POU2F1: variants seen among roughly 807,000 people sequenced by gnomAD.
POU2F1 encodes POU class 2 homeobox 1.
A neutral mutation model predicts 84.9 loss-of-function variants in POU2F1; 16 were observed. The ratio of observed to expected loss-of-function variants is 0.19; its 90% confidence interval spans 0.13 to 0.29. The LOEUF (loss-of-function observed/expected upper bound fraction) is 0.29, where lower values mean the gene tolerates loss of function less well. Among genes scored for constraint, POU2F1 ranks in the 10% least tolerant of loss-of-function variants. The pLI is 1.00. For synonymous variants in POU2F1, 368 were observed against 368.3 expected (o/e 1.00, Z 0.01); for missense variants, 738 against 942.6 (o/e 0.78, Z 2.84).
At chr1:167,410,373 G>C (rs941852445) in intron 13 of POU2F1, among the ~76,000 whole-genome samples, 8 of 152,144 alleles carry the variant, frequency 5.3e-5, no homozygotes, top group African/African-American at 1.9e-4. Context: ...TTCAATTCTA[G>C]ATGTTCTTAG....
intron 1 of POU2F1, among the ~76,000 whole-genome samples, chr1:167,233,014 C>T (rs1227576580): frequency 6.6e-6 from 1 of 152,072 alleles, no homozygotes; most frequent in Admixed American, 6.6e-5. Flanking sequence ...TTGACTCACC[C>T]AAAGCAACTT....
At position 167,374,217 on chromosome 1, in the gene POU2F1, C is replaced by T. The variant is rs200977109; in HGVS notation, c.512C>T (p.Ala171Val). The change falls in exon 6 of 16, where the codon GCT becomes GTT. Residue 171 changes from alanine to valine, a missense_variant. Ala to Val is a moderately conservative substitution (Grantham distance 64). This residue lies in a region of POU2F1 where 163 missense variants were observed against 214.4 expected (regional missense o/e 0.76). Transcript: ENST00000367866. ...QQHSASQQHS[A>V]AGATISASAA... ...CACTCCGCCAGCCAGCAGCACAGTG[C>T]TGCTGGAGCCACCATCTCCGCCTCT... The T allele has an allele frequency of 1.3e-4, 205 of 1,613,862 alleles. No individual in the cohort carries two copies. Among genetic ancestry groups the T allele is most frequent in the Non-Finnish European group, 4.2e-6 (5 of 1,179,990 alleles).
intron 1 of POU2F1, among the ~76,000 whole-genome samples, chr1:167,256,691 G>A (rs1034910833): frequency 1.3e-5 from 2 of 152,128 alleles, no homozygotes; most frequent in Admixed American, 1.3e-4. Flanking sequence ...ATAGTCTTTG[G>A]ATGTGTTGCC....
intron 2 of POU2F1, among the ~76,000 whole-genome samples, chr1:167,360,843 A>G (rs888484004): frequency 6.6e-6 from 1 of 152,034 alleles, no homozygotes; most frequent in Non-Finnish European, 1.5e-5. Flanking sequence ...ATTATTTTCT[A>G]TTTGTTTGTG....
chr1:167,330,038 A>G (rs1023674023), intron 1 of POU2F1, among the ~76,000 whole-genome samples: 7 of 152,202 alleles, frequency 4.6e-5, no homozygotes, highest in African/African-American at 1.7e-4. Context: ...GAAGATTTCA[A>G]ATAAATCAAG....
At chr1:167,348,415 C>T (rs1209998967) in intron 2 of POU2F1, among the ~76,000 whole-genome samples, 1 of 152,150 alleles carries the variant, frequency 6.6e-6, no homozygotes, top group African/African-American at 2.4e-5. Flanking sequence ...TACCGCCAAA[C>T]TTTTTTCCAT....
intron 1 of POU2F1, among the ~76,000 whole-genome samples, chr1:167,260,833 G>T (rs1651508302): frequency 6.6e-6 from 1 of 152,048 alleles, no homozygotes; most frequent in South Asian, 2.1e-4. Flanking sequence ...CAGTTTTTGG[G>T]TTGCTCACTA....
At position 167,406,944 on chromosome 1, in the gene POU2F1, G is replaced by A. The variant is rs922198023; in HGVS notation, c.1556-5015G>A. 4.0e-5 allele frequency among the ~76,000 whole-genome samples: 6 copies of A among 151,880 alleles called. No homozygotes were observed. In the South Asian group the frequency reaches 1.2e-3, roughly 31 times the overall value. ...TAAGATGACAGTTTTTCTCCAGCTTGAGATATATGTGCATCTCTCTTTCTC... is the reference window on the plus strand; with the variant it reads ...TAAGATGACAGTTTTTCTCCAGCTTAAGATATATGTGCATCTCTCTTTCTC... On this transcript the variant is annotated intron_variant, in intron 13 of 15. Coordinates refer to ENST00000367866, the MANE Select transcript of POU2F1 (RefSeq NM_002697.4).
chr1:167,296,826 T>C (rs1239398506), intron 1 of POU2F1, among the ~76,000 whole-genome samples: 7 of 152,204 alleles, frequency 4.6e-5, no homozygotes, highest in Admixed American at 4.6e-4. Flanking sequence ...TGCAAAGCAC[T>C]GTAGTGTGAA....
intron 1 of POU2F1, among the ~76,000 whole-genome samples, chr1:167,299,420 T>C (rs1557877293): frequency 6.6e-6 from 1 of 152,180 alleles, no homozygotes; most frequent in Admixed American, 6.5e-5. Flanking sequence ...AAAATTATTC[T>C]TCTAAAAGGA....
rs1657905589 is a variant in POU2F1, at chr1:167,342,201, T to A, written c.127+9666T>A. Among the ~76,000 whole-genome samples the A allele has an allele frequency of 2.6e-5, 4 of 152,188 alleles. No homozygotes were observed. In the South Asian group the frequency reaches 8.3e-4, roughly 32 times the overall value. ...TGGGGCCTTTGCTGGGGAACCACCC[T>A]CTTCTACCCAGTATTTCCCTGTCTC... On this transcript the variant is annotated intron_variant, in intron 2 of 15. Coordinates refer to ENST00000367866, the MANE Select transcript of POU2F1 (RefSeq NM_002697.4).
At chr1:167,252,935 C>T (rs190127111) in intron 1 of POU2F1, among the ~76,000 whole-genome samples, 96 of 152,248 alleles carry the variant, frequency 6.3e-4, no homozygotes, top group Non-Finnish European at 1.0e-3. Flanking sequence ...CGCCATTTTG[C>T]CAGAAGCTTT....
intron 1 of POU2F1, among the ~76,000 whole-genome samples, chr1:167,309,826 C>G (rs1408138424): frequency 6.6e-6 from 1 of 152,082 alleles, no homozygotes; most frequent in Admixed American, 6.6e-5. Context: ...TAGAGATGCT[C>G]TGAACATTGA....
intron 13 of POU2F1, among the ~76,000 whole-genome samples, chr1:167,406,436 CT>C (rs1443436903): frequency 6.6e-6 from 1 of 152,136 alleles, no homozygotes; most frequent in African/African-American, 2.4e-5. Context: ...AGACTGAATA[CT>C]TTCCCCACTA....
chr1:167,350,525 T>G (rs1250932236), intron 2 of POU2F1, among the ~76,000 whole-genome samples: 1 of 152,014 alleles, frequency 6.6e-6, no homozygotes, highest in Non-Finnish European at 1.5e-5. Flanking sequence ...ATTTTTTTTC[T>G]CTTTAAAGTG....
At chr1:167,323,518 T>G (rs1656469803) in intron 1 of POU2F1, among the ~76,000 whole-genome samples, 1 of 152,196 alleles carries the variant, frequency 6.6e-6, no homozygotes, top group African/African-American at 2.4e-5. Flanking sequence ...AATGACTTGA[T>G]GAGATTAACT....
intron 2 of POU2F1, among the ~76,000 whole-genome samples, chr1:167,344,902 G>A (rs1658090519): frequency 6.6e-6 from 1 of 152,160 alleles, no homozygotes; most frequent in Admixed American, 6.5e-5. Flanking sequence ...ATGAGATCGT[G>A]TCCTTTGCAG....
chr1:167,375,360 T>C (rs1212384132), intron 6 of POU2F1, among the ~76,000 whole-genome samples: 1 of 152,232 alleles, frequency 6.6e-6, no homozygotes, highest in Non-Finnish European at 1.5e-5. Context: ...ATAAATGTTT[T>C]TAGTGCCTAA....
chr1:167,344,583 T>G (rs555660464), intron 2 of POU2F1, among the ~76,000 whole-genome samples: 1 of 152,356 alleles, frequency 6.6e-6, no homozygotes, highest in East Asian at 1.9e-4. Flanking sequence ...GCTAGTTGTG[T>G]TACCTTAGGC....
Sources: gnomAD v4.1 joint callset for allele counts (sites outside exome capture counted in the v4.1 genomes callset) on GRCh38, gnomAD v4.1.1 for gene constraint, gnomAD v4.1.1 regional missense constraint, MANE v1.5 for transcripts, NCBI Gene and HGNC (gene_info 2026-07-23, HGNC 2026-07-21) for gene names.